The following NBAS variants were observed in gnomAD, a reference collection of about 807,000 sequenced individuals.
NBAS encodes the protein NAG/BC035112 fusion.
Under a neutral mutation model 302.5 loss-of-function variants are expected in NBAS, and 219 were observed. The observed-to-expected ratio is 0.72, with a 90% CI of 0.65 to 0.81. The LOEUF is 0.81. Among genes scored for constraint, NBAS ranks in the 30% least tolerant of loss-of-function variants. The pLI is 0.00. For missense variants in NBAS, 2,932 were observed against 2,841.6 expected (o/e 1.03, Z -0.72); for synonymous variants, 1,118 against 1,021.6 (o/e 1.09, Z -1.80).
rs377037220 is a variant in NBAS, at chr2:15,474,164, C to T, written c.1502G>A (p.Arg501Gln). 7.4e-6 allele frequency: 12 copies of T among 1,613,898 alleles called. No individual in the cohort carries two copies. Among genetic ancestry groups the T allele is most frequent in the Non-Finnish European group, 9.3e-6 (11 of 1,179,994 alleles). Residue 501 changes from arginine (R) to glutamine (Q), a missense_variant, in exon 15 of 52, where the codon CGA becomes CAA. Physicochemically the swap from Arg to Gln is conservative, Grantham distance 43. Transcript: ENST00000281513. Reference protein sequence around the residue: ...QGLYLVTEMERFAPPRKRPRT... With the variant: ...QGLYLVTEMEQFAPPRKRPRT... ...TGGGCGTTTCCGTGGTGGTGCAAAT[C>T]GCTCCATTTCAGTCACCAAGTAAAG...
Position 15,268,420 on chromosome 2 carries a change from G to GT in NBAS, c.5724+7063dup, listed in dbSNP as rs575852469. Among the ~76,000 whole-genome samples the GT allele has an allele frequency of 1.2e-3, 179 of 152,220 alleles. 1 individual carries two copies. Among genetic ancestry groups the GT allele is most frequent in the African/African-American group, 2.8e-3 (117 of 41,550 alleles). ...ATACACACTGCATTTCAAAGGCGTG[G>GT]TTTTTTTAAAAAGGCAAAAGATCTC... On this transcript the variant is annotated intron_variant, in intron 44 of 51. Transcript: ENST00000281513.
intron 32 of NBAS, 90 bp downstream of exon 32, chr2:15,366,490 G>A (rs185671800): frequency 7.2e-6 from 9 of 1,254,196 alleles, no homozygotes; most frequent in East Asian, 7.0e-5. Flanking sequence ...TTCTTCTGAC[G>A]CTGTAAGCAC....
intron 19 of NBAS, 135 bp downstream of exon 19, chr2:15,467,194 C>A (rs531446913): frequency 2.9e-6 from 2 of 700,790 alleles, no homozygotes; most frequent in South Asian, 1.8e-5. Flanking sequence ...TATAAGAGAA[C>A]TTGCTTCTAT....
chr2:15,204,117 C>T (rs13411749), intron 48 of NBAS, among the ~76,000 whole-genome samples: 1,658 of 151,936 alleles, frequency 0.011, 39 homozygotes, highest in African/African-American at 0.037. Flanking sequence ...TACAGTTAGC[C>T]GGGCATAGTG....
the NBAS span, among the ~76,000 whole-genome samples, chr2:15,104,979 C>A: frequency 2.0e-5 from 3 of 151,790 alleles, no homozygotes; most frequent in African/African-American, 7.3e-5. Context: ...CAGCACTATC[C>A]ACAATAGCAA....
At chr2:15,505,064 C>G (rs559987611) in intron 10 of NBAS, among the ~76,000 whole-genome samples, 2 of 152,248 alleles carry the variant, frequency 1.3e-5, no homozygotes, top group South Asian at 4.1e-4. Flanking sequence ...TCCACTTAGC[C>G]TGAAGATAGA....
downstream of NBAS, among the ~76,000 whole-genome samples, chr2:15,166,599 G>A (rs1664029638): frequency 6.6e-6 from 1 of 152,098 alleles, no homozygotes; most frequent in Non-Finnish European, 1.5e-5. Flanking sequence ...GGTTCAAAGA[G>A]GTGGAAGAAT....
At chr2:15,310,764 C>A (rs995591924) in intron 38 of NBAS, among the ~76,000 whole-genome samples, 2 of 152,156 alleles carry the variant, frequency 1.3e-5, no homozygotes, top group African/African-American at 4.8e-5. Flanking sequence ...TCTAAACCAC[C>A]AGGATGCTTC....
At chr2:15,302,898 C>T (rs560215865) in intron 40 of NBAS, among the ~76,000 whole-genome samples, 17 of 152,252 alleles carry the variant, frequency 1.1e-4, no homozygotes, top group Admixed American at 1.1e-3. Context: ...TCATCTTTCT[C>T]CCATGCTGGA....
chr2:15,375,250 A>G (rs1177583551), intron 30 of NBAS, among the ~76,000 whole-genome samples: 1 of 151,836 alleles, frequency 6.6e-6, no homozygotes, highest in Non-Finnish European at 1.5e-5. Context: ...GAGATGAACC[A>G]TAGGAGAAAG....
intron 21 of NBAS, among the ~76,000 whole-genome samples, chr2:15,449,933 T>C (rs1678930739): frequency 6.6e-6 from 1 of 152,218 alleles, no homozygotes; most frequent in Non-Finnish European, 1.5e-5. Flanking sequence ...GGAATTGAAT[T>C]TTGATTAGGT....
At position 15,292,679 on chromosome 2, in the gene NBAS, T is replaced by G. The variant is rs373419443; in HGVS notation, c.4885A>C (p.Thr1629Pro). The stretch of plus-strand genomic sequence containing the variant: ...TCATTGTAGCAGTGTAACTGCTTGG[T>G]CAGTGAAATAAGGTCTTCAGGCCAG... ...EAWPEDLISL[T>P]KQLHCYNERL... The change falls in exon 41 of 52, where the codon ACC (threonine) becomes CCC (proline). Residue 1629 changes from threonine (T) to proline (P), a missense_variant. Coordinates refer to ENST00000281513, the MANE Select transcript of NBAS (RefSeq NM_015909.4). 7.2e-5 allele frequency: 117 copies of G among 1,614,036 alleles called. No individual in the cohort carries two copies. The highest frequency in any genetic ancestry group is 9.5e-5 in the Non-Finnish European group (112 of 1,180,026).
chr2:15,545,993 A>G (rs1183024890), intron 6 of NBAS, among the ~76,000 whole-genome samples: 2 of 152,336 alleles, frequency 1.3e-5, no homozygotes, highest in African/African-American at 2.4e-5. Context: ...GTTTATAAGC[A>G]TTTCCTGGAT....
chr2:15,262,589 C>T (rs892964704), intron 44 of NBAS, among the ~76,000 whole-genome samples: 8 of 152,184 alleles, frequency 5.3e-5, no homozygotes, highest in African/African-American at 1.9e-4. Flanking sequence ...TCTCTTTCTA[C>T]ATTACCCCGC....
intron 6 of NBAS, among the ~76,000 whole-genome samples, chr2:15,545,328 T>G (rs918206529): frequency 6.6e-6 from 1 of 152,062 alleles, no homozygotes; most frequent in Non-Finnish European, 1.5e-5. Flanking sequence ...GAACTATTAA[T>G]AAGGGCAAAA....
At chr2:15,089,344 G>A in the NBAS span, among the ~76,000 whole-genome samples, 6 of 152,016 alleles carry the variant, frequency 3.9e-5, no homozygotes, top group African/African-American at 9.7e-5. Context: ...ATATGTGCCC[G>A]AAGTATTTTA....
At chr2:14,874,365 G>T in the NBAS span, among the ~76,000 whole-genome samples, 1 of 151,598 alleles carries the variant, frequency 6.6e-6, no homozygotes, top group Non-Finnish European at 1.5e-5. Flanking sequence ...GGTGGCTCAC[G>T]CCTGTAATCC....
At chr2:15,152,002 C>G in the NBAS span, among the ~76,000 whole-genome samples, 2 of 152,126 alleles carry the variant, frequency 1.3e-5, no homozygotes, top group Non-Finnish European at 2.9e-5. Flanking sequence ...CAGTTGTGAC[C>G]ATGCCCACCT....
At chr2:14,915,624 G>T in the NBAS span, among the ~76,000 whole-genome samples, 1 of 152,064 alleles carries the variant, frequency 6.6e-6, no homozygotes, top group Admixed American at 6.6e-5. Flanking sequence ...GTACAGTGGC[G>T]TAATCTTGGC....
Sources: gnomAD v4.1 joint callset for allele counts (sites outside exome capture counted in the v4.1 genomes callset) on GRCh38, gnomAD v4.1.1 for gene constraint, MANE v1.5 for transcripts, NCBI Gene and HGNC (gene_info 2026-07-23, HGNC 2026-07-21) for gene names.